KLHL29: variants seen among roughly 807,000 people sequenced by gnomAD.
The protein encoded by KLHL29 is kelch like family member 29, also known as kelch-like protein 29.
KLHL29 carries 21 observed loss-of-function variants against 80.4 expected under a neutral mutation model. The observed-to-expected ratio is 0.26, with a 90% CI of 0.19 to 0.38. KLHL29 has a LOEUF of 0.38. KLHL29 is among the 10% of genes least tolerant of loss of function. The pLI is 1.00. For missense variants in KLHL29, 867 were observed against 1,223.9 expected (o/e 0.71, Z 4.35); for synonymous variants, 511 against 526.8 (o/e 0.97, Z 0.41).
intron 1 of KLHL29, among the ~76,000 whole-genome samples, chr2:23,438,966 T>A (rs1663428947): frequency 6.8e-6 from 1 of 146,710 alleles, no homozygotes; most frequent in African/African-American, 2.6e-5. Flanking sequence ...GGTAAGCTAT[T>A]GATTATTGCC....
At chr2:23,598,363 G>A (rs1215874740) in intron 3 of KLHL29, among the ~76,000 whole-genome samples, 1 of 152,194 alleles carries the variant, frequency 6.6e-6, no homozygotes, top group African/African-American at 2.4e-5. Context: ...GGACAGAGTG[G>A]AAGAGTTTAA....
chr2:23,633,433 T>C (rs1424969233), intron 3 of KLHL29, among the ~76,000 whole-genome samples: 1 of 152,232 alleles, frequency 6.6e-6, no homozygotes, highest in East Asian at 1.9e-4. Context: ...CCCTTTACTA[T>C]TTTGCAATAT....
chr2:23,499,696 G>T (rs1665379010), intron 2 of KLHL29, among the ~76,000 whole-genome samples: 3 of 152,242 alleles, frequency 2.0e-5, no homozygotes. Context: ...CCCACCCAGA[G>T]AAAGTAAAGC....
chr2:23,630,843 G>A (rs1435692610), intron 3 of KLHL29, among the ~76,000 whole-genome samples: 1 of 152,106 alleles, frequency 6.6e-6, no homozygotes, highest in African/African-American at 2.4e-5. Context: ...GTGAAATGAA[G>A]GTAAGAACAC....
chr2:23,437,307 C>G (rs1385135952), intron 1 of KLHL29, among the ~76,000 whole-genome samples: 1 of 152,188 alleles, frequency 6.6e-6, no homozygotes, highest in African/African-American at 2.4e-5. Flanking sequence ...TATGAGATTG[C>G]AACTTGGTGT....
chr2:23,536,847 C>T (rs1666677614), intron 2 of KLHL29, among the ~76,000 whole-genome samples: 1 of 151,802 alleles, frequency 6.6e-6, no homozygotes, highest in Non-Finnish European at 1.5e-5. Flanking sequence ...CTGAGACAAA[C>T]TTCTGGTTCC....
chr2:23,608,251 C>T (rs1668777072), intron 3 of KLHL29, among the ~76,000 whole-genome samples: 1 of 152,224 alleles, frequency 6.6e-6, no homozygotes, highest in Non-Finnish European at 1.5e-5. Context: ...AAAATAACAG[C>T]ATCTGCTGGT....
At chr2:23,584,623 C>A (rs914052971) in intron 3 of KLHL29, among the ~76,000 whole-genome samples, 1 of 152,228 alleles carries the variant, frequency 6.6e-6, no homozygotes, top group Non-Finnish European at 1.5e-5. Context: ...CCTAGACTTA[C>A]TCTGGGCACA....
intron 1 of KLHL29, among the ~76,000 whole-genome samples, chr2:23,408,301 A>AAAAAATT (rs1666781340): frequency 1.0e-5 from 1 of 97,296 alleles, no homozygotes; most frequent in Non-Finnish European, 2.1e-5. Flanking sequence ...AAAAAAAAAA[A>AAAAAATT]TTGAGTTTTT....
intron 2 of KLHL29, among the ~76,000 whole-genome samples, chr2:23,548,119 G>A (rs1296196184): frequency 1.3e-5 from 2 of 152,200 alleles, no homozygotes; most frequent in Non-Finnish European, 2.9e-5. Context: ...CAGGCAGGCC[G>A]TGGCTTCAAG....
chr2:23,389,162 C>T (rs537206496), intron 1 of KLHL29, among the ~76,000 whole-genome samples: 1 of 152,024 alleles, frequency 6.6e-6, no homozygotes, highest in Non-Finnish European at 1.5e-5. Context: ...AGAGGATTTT[C>T]CAAATACAAT....
Position 23,691,643 on chromosome 2 carries a change from G to A in KLHL29, c.1080-31G>A, listed in dbSNP as rs573602978. 92 of 1,543,812 alleles carry A rather than the reference G, an allele frequency of 6.0e-5. No homozygotes were observed. In the African/African-American group the frequency reaches 1.1e-3, roughly 18 times the overall value. On this transcript the variant is annotated intron_variant, in intron 6 of 13. Coordinates refer to ENST00000486442, the MANE Select transcript of KLHL29 (RefSeq NM_052920.2). ...AAGCGGCACGGTGGCCGCAGGGCAG[G>A]AGGTAAGGACACCCTGGTCTCTGTG...
rs181408749 is a variant in KLHL29, at chr2:23,553,776, G to A, written c.-45-8376G>A. On this transcript the variant is annotated intron_variant, in intron 2 of 13. Coordinates refer to ENST00000486442, the MANE Select transcript of KLHL29 (RefSeq NM_052920.2). Reference sequence around the variant, plus strand: ...GGAGGGTCACTTTGGTCTGCCAAATGTTCCCTGAGCCCCCTGCCCCGGATG... The same window carrying A: ...GGAGGGTCACTTTGGTCTGCCAAATATTCCCTGAGCCCCCTGCCCCGGATG... Among the ~76,000 whole-genome samples the A allele has an allele frequency of 1.8e-4, 28 of 152,332 alleles. No homozygotes were observed. In the East Asian group the frequency reaches 4.2e-3, roughly 23 times the overall value.
chr2:23,435,885 T>C (rs1572510978), intron 1 of KLHL29, among the ~76,000 whole-genome samples: 1 of 151,514 alleles, frequency 6.6e-6, no homozygotes, highest in Non-Finnish European at 1.5e-5. Flanking sequence ...TTTTCTTTCT[T>C]TCTCTCTCTC....
At chr2:23,554,876 C>G (rs1667243932) in intron 2 of KLHL29, among the ~76,000 whole-genome samples, 1 of 152,178 alleles carries the variant, frequency 6.6e-6, no homozygotes, top group Non-Finnish European at 1.5e-5. Flanking sequence ...CAGCAAGTGT[C>G]CAGGAGTCCG....
At chr2:23,655,975 C>T (rs1484233555) in intron 5 of KLHL29, among the ~76,000 whole-genome samples, 3 of 152,190 alleles carry the variant, frequency 2.0e-5, no homozygotes, top group East Asian at 1.9e-4. Flanking sequence ...TACCACCACT[C>T]GCAGTTGCTT....
chr2:23,386,878 C>CGAGA (rs1666196409), intron 1 of KLHL29, among the ~76,000 whole-genome samples: 1 of 152,022 alleles, frequency 6.6e-6, no homozygotes, highest in South Asian at 2.1e-4. Context: ...TGCGGCCAGC[C>CGAGA]GTCTCGGAGG....
intron 1 of KLHL29, among the ~76,000 whole-genome samples, chr2:23,408,412 G>A (rs1330941765): frequency 1.3e-5 from 2 of 151,078 alleles, no homozygotes; most frequent in Non-Finnish European, 1.5e-5. Context: ...TCAGGAATGT[G>A]CTATTCCATT....
intron 2 of KLHL29, among the ~76,000 whole-genome samples, chr2:23,535,711 A>G (rs563077359): frequency 6.6e-6 from 1 of 152,342 alleles, no homozygotes; most frequent in East Asian, 1.9e-4. Flanking sequence ...GAGCAAATTC[A>G]TAGAGACGGA....
Sources: allele counts gnomAD v4.1 joint callset (sites outside exome capture counted in the v4.1 genomes callset), GRCh38; gene constraint gnomAD v4.1.1; transcripts MANE v1.5; gene names NCBI Gene and HGNC (gene_info 2026-07-23, HGNC 2026-07-21).